VIT: variants seen among roughly 807,000 people sequenced by gnomAD.
VIT encodes vitrin.
In VIT, 99 loss-of-function variants were observed where a neutral mutation model predicts 78.0. That is an observed-to-expected ratio of 1.27 (90% confidence interval 1.08 to 1.50). The LOEUF (loss-of-function observed/expected upper bound fraction) is 1.50, where lower values mean the gene tolerates loss of function less well. VIT is among the 40% of genes most tolerant of loss of function. The pLI is 0.00. For synonymous variants in VIT, 374 were observed against 334.3 expected (o/e 1.12, Z -1.29); for missense variants, 1,126 against 875.3 (o/e 1.29, Z -3.61).
chr2:36,718,499 T>C (rs1468152997), intron 2 of VIT, among the ~76,000 whole-genome samples: 1 of 152,190 alleles, frequency 6.6e-6, no homozygotes, highest in Non-Finnish European at 1.5e-5. Flanking sequence ...CTATGTAACA[T>C]GGCTGCCAGA....
chr2:36,780,879 A>G (rs1486185984), intron 9 of VIT, among the ~76,000 whole-genome samples: 1 of 152,126 alleles, frequency 6.6e-6, no homozygotes, highest in African/African-American at 2.4e-5. Context: ...GCAGAAAGAA[A>G]GGGAAACAGC....
chr2:36,792,164 AT>A (rs1217695120), intron 12 of VIT, among the ~76,000 whole-genome samples: 1 of 152,060 alleles, frequency 6.6e-6, no homozygotes, highest in Non-Finnish European at 1.5e-5. Context: ...AGAGCTTGGT[AT>A]TTTAATCTGT....
Position 36,808,390 on chromosome 2 carries a change from C to T in VIT, c.1390-82C>T, listed in dbSNP as rs114687090. The T allele has an allele frequency of 9.4e-4, 1,395 of 1,489,992 alleles. 16 individuals are homozygous for T. In the African/African-American group the frequency reaches 0.018, roughly 19 times the overall value. 92.3% of individuals were successfully genotyped at this position (1,489,992 alleles called of 1,614,324 possible). On this transcript the variant is annotated intron_variant, in intron 14 of 15. Transcript: ENST00000379242. Reference sequence around the variant, plus strand: ...AACAAGGGCCTGCTTGCTTCTTCACCTGCCCCGGGGGATCAAGCCTAATGG... The same window carrying T: ...AACAAGGGCCTGCTTGCTTCTTCACTTGCCCCGGGGGATCAAGCCTAATGG...
Position 36,729,434 on chromosome 2 carries a change from G to A in VIT, c.61G>A (p.Val21Met). ...SVIEMFLVLL[V>M]TGVHSNKETA... The stretch of plus-strand genomic sequence containing the variant: ...AAATTTTCTTCATGTAGTTTTGCTG[G>A]TGACTGGAGTACATTCAAACAAAGA... The change falls in exon 3 of 16, where the codon GTG (valine) becomes ATG (methionine). Residue 21 changes from valine to methionine, a missense_variant. Val to Met is a conservative substitution (Grantham distance 21, BLOSUM62 1). Coordinates refer to ENST00000379242, the MANE Select transcript of VIT (RefSeq NM_053276.4). The A allele has an allele frequency of 1.2e-6, 2 of 1,600,220 alleles. No homozygotes were observed. Among genetic ancestry groups the A allele is most frequent in the Admixed American group, 1.7e-5 (1 of 58,058 alleles).
intron 3 of VIT, among the ~76,000 whole-genome samples, chr2:36,730,618 G>A (rs1667143313): frequency 6.6e-6 from 1 of 152,216 alleles, no homozygotes; most frequent in Admixed American, 6.5e-5. Context: ...GCCTTGCTCG[G>A]CCACATTGGC....
chr2:36,809,033 G>A (rs1360084531), intron 15 of VIT, 48 bp downstream of exon 15: 29 of 1,521,644 alleles, frequency 1.9e-5, no homozygotes, highest in Middle Eastern at 1.8e-4. Flanking sequence ...GCTTTCTGGG[G>A]CTTGGTGGGC....
At chr2:36,714,827 G>A (rs571077916) in intron 1 of VIT, among the ~76,000 whole-genome samples, 3 of 152,196 alleles carry the variant, frequency 2.0e-5, no homozygotes, top group East Asian at 1.9e-4. Context: ...AACCTACCAT[G>A]GTGACGTATT....
chr2:36,725,639 T>G (rs1159054541), intron 2 of VIT, among the ~76,000 whole-genome samples: 1 of 151,386 alleles, frequency 6.6e-6, no homozygotes, highest in East Asian at 2.0e-4. Flanking sequence ...GAGACCACAG[T>G]AGCTGAATAA....
At chr2:36,744,232 A>T (rs146989213) in intron 4 of VIT, among the ~76,000 whole-genome samples, 23 of 152,184 alleles carry the variant, frequency 1.5e-4, no homozygotes, top group Non-Finnish European at 3.2e-4. Flanking sequence ...CGTTGGTTCC[A>T]TTGTCTTTGC....
At chr2:36,774,720 A>T (rs1405571154) in intron 8 of VIT, 1 of 985,192 alleles carries the variant, frequency 1.0e-6, no homozygotes, top group Non-Finnish European at 1.2e-6. Context: ...AAGGCTTGAG[A>T]ATGAGAACAC....
chr2:36,740,215 C>T (rs779184905), intron 3 of VIT, among the ~76,000 whole-genome samples: 3 of 152,162 alleles, frequency 2.0e-5, no homozygotes, highest in East Asian at 1.9e-4. Context: ...ACCTAAGCTG[C>T]GAGCACTGAA....
chr2:36,797,915 T>C (rs1230333718), intron 12 of VIT, among the ~76,000 whole-genome samples: 1 of 152,048 alleles, frequency 6.6e-6, no homozygotes, highest in African/African-American at 2.4e-5. Flanking sequence ...GGCAGAGAGA[T>C]TGTCAGCTGG....
chr2:36,791,793 C>T (rs187628565), intron 12 of VIT, among the ~76,000 whole-genome samples: 8 of 152,342 alleles, frequency 5.3e-5, no homozygotes, highest in Admixed American at 2.6e-4. Context: ...TGGAGACCCA[C>T]GTCGGACTTG....
intron 15 of VIT, among the ~76,000 whole-genome samples, chr2:36,812,660 T>C (rs1423750999): frequency 6.6e-6 from 1 of 152,068 alleles, no homozygotes; most frequent in Non-Finnish European, 1.5e-5. Context: ...ATAAAACATT[T>C]TCTGTGACTC....
chr2:36,770,252 T>C (rs1444296493), intron 7 of VIT, among the ~76,000 whole-genome samples: 1 of 152,232 alleles, frequency 6.6e-6, no homozygotes, highest in Non-Finnish European at 1.5e-5. Flanking sequence ...TCGCTTCGGC[T>C]TAGGACACCT....
chr2:36,770,067 T>C lies in VIT; in HGVS notation c.679+2782T>C, dbSNP rs529972004. Reference sequence around the variant, plus strand: ...CACTTATTAAAGATTTTTCCTCTTATATATGTGGCTGTAGGCAAAAGGTTC... The same window carrying C: ...CACTTATTAAAGATTTTTCCTCTTACATATGTGGCTGTAGGCAAAAGGTTC... On this transcript the variant is annotated intron_variant, in intron 7 of 15. Coordinates refer to ENST00000379242, the MANE Select transcript of VIT (RefSeq NM_053276.4). Among the ~76,000 whole-genome samples, 145 of 152,364 alleles carry C rather than the reference T, an allele frequency of 9.5e-4. 1 individual carries two copies. The highest frequency in any genetic ancestry group is 3.4e-3 in the African/African-American group (141 of 41,590).
intron 3 of VIT, among the ~76,000 whole-genome samples, chr2:36,733,150 C>T (rs1324314135): frequency 6.6e-6 from 1 of 152,114 alleles, no homozygotes; most frequent in Non-Finnish European, 1.5e-5. Flanking sequence ...GACTCCAAGG[C>T]CAATCTGCTT....
chr2:36,738,531 C>G (rs1667645441), intron 3 of VIT, among the ~76,000 whole-genome samples: 1 of 152,190 alleles, frequency 6.6e-6, no homozygotes. Context: ...CCTCTGTCAT[C>G]CAATCACTCC....
At chr2:36,751,251 C>T (rs770605932) in intron 4 of VIT, among the ~76,000 whole-genome samples, 2 of 152,200 alleles carry the variant, frequency 1.3e-5, no homozygotes, top group Non-Finnish European at 2.9e-5. Flanking sequence ...TGAAAATCAG[C>T]TGGGTGTGGT....
Sources: allele counts gnomAD v4.1 joint callset (sites outside exome capture counted in the v4.1 genomes callset), GRCh38; gene constraint gnomAD v4.1.1; transcripts MANE v1.5; gene names NCBI Gene and HGNC (gene_info 2026-07-23, HGNC 2026-07-21).